Variants in PACSIN1 observed in about 807,000 individuals in gnomAD.
PACSIN1 encodes protein kinase C and casein kinase substrate in neurons 1.
In PACSIN1, 15 loss-of-function variants were observed where a neutral mutation model predicts 59.5. The observed-to-expected ratio is 0.25, with a 90% CI of 0.17 to 0.39. PACSIN1 has a LOEUF of 0.39. Ranked by LOEUF, PACSIN1 falls within the 10% of genes least tolerant of loss-of-function variation. The probability of loss-of-function intolerance (pLI) is 1.00; values close to 1 mark genes in which losing one functional copy is unlikely to be tolerated. For missense variants in PACSIN1, 420 were observed against 580.2 expected (o/e 0.72, Z 2.84); for synonymous variants, 210 against 220.6 (o/e 0.95, Z 0.42).
At chr6:34,486,709 C>T (rs1436660012) in intron 1 of PACSIN1, among the ~76,000 whole-genome samples, 6 of 152,166 alleles carry the variant, frequency 3.9e-5, no homozygotes, top group Non-Finnish European at 8.8e-5. Flanking sequence ...CCGGGGCCCT[C>T]CTCCGTGGGC....
intron 4 of PACSIN1, 30 bp downstream of exon 4, chr6:34,528,907 T>TGGGGTGGGGGCCGGGGGGGGGGG: frequency 4.0e-6 from 1 of 250,436 alleles, no homozygotes; most frequent in Non-Finnish European, 7.9e-6. Context: ...ACGGGCGGGG[T>TGGGGTGGGGGCCGGGGGGGGGGG]GGGGTGGGCC....
chr6:34,526,766 A>G (rs1013255134), intron 2 of PACSIN1, among the ~76,000 whole-genome samples: 13 of 152,178 alleles, frequency 8.5e-5, no homozygotes, highest in African/African-American at 3.1e-4. Flanking sequence ...CCAGAGCCCC[A>G]CGGGGCCGCA....
intron 1 of PACSIN1, among the ~76,000 whole-genome samples, chr6:34,469,015 A>G (rs1010491316): frequency 2.0e-5 from 3 of 152,184 alleles, no homozygotes; most frequent in African/African-American, 7.2e-5. Flanking sequence ...GTATCCCCAC[A>G]GCAAGAATGA....
chr6:34,529,546 G>A lies in PACSIN1; in HGVS notation c.606G>A (p.Val202=), dbSNP rs368942363. 49 of 1,614,054 alleles carry A rather than the reference G, an allele frequency of 3.0e-5. No individual in the cohort carries two copies. The East Asian group carries it at 3.3e-4, about 11-fold the overall frequency. Residue 202 remains valine, a synonymous_variant, in exon 5 of 10, where the codon GTG becomes GTA. Transcript: ENST00000244458. This position sits in a 1 kb window ranked among gnomAD's most constrained non-coding sequence, Gnocchi z 6.3. Reference sequence around the variant, plus strand: ...AAGTGGACAAGTGCAAGCAGGATGTGCAGAAGGTGCTGGCGGGCAGGGATG... The same window carrying A: ...AAGTGGACAAGTGCAAGCAGGATGTACAGAAGGTGCTGGCGGGCAGGGATG... The part of the protein sequence containing the change: ...QDKVDKCKQD[V]QKTQEKYEKV...
intron 1 of PACSIN1, among the ~76,000 whole-genome samples, chr6:34,473,343 A>G (rs1170771182): frequency 6.6e-6 from 1 of 152,050 alleles, no homozygotes; most frequent in Non-Finnish European, 1.5e-5. Context: ...ACGAGAGAGG[A>G]CATGGGTCGT....
At chr6:34,507,305 T>C (rs554205141) in intron 1 of PACSIN1, among the ~76,000 whole-genome samples, 3 of 152,224 alleles carry the variant, frequency 2.0e-5, no homozygotes, top group South Asian at 2.1e-4. Flanking sequence ...TGTCACTGTT[T>C]GGTCTTGAGA....
At chr6:34,486,250 G>A (rs1238929720) in intron 1 of PACSIN1, among the ~76,000 whole-genome samples, 1 of 152,056 alleles carries the variant, frequency 6.6e-6, no homozygotes, top group Non-Finnish European at 1.5e-5. Flanking sequence ...GTGTCTCTAG[G>A]TGCCTCCCTT....
chr6:34,493,443 G>A (rs1766905798), intron 1 of PACSIN1, among the ~76,000 whole-genome samples: 2 of 152,196 alleles, frequency 1.3e-5, no homozygotes, highest in African/African-American at 4.8e-5. Context: ...TGGAAGTGCT[G>A]GTCTAAGGGA....
Position 34,516,461 on chromosome 6 carries a change from C to T in PACSIN1, c.-63-9782C>T, listed in dbSNP as rs1767294287. 6.6e-6 allele frequency among the ~76,000 whole-genome samples: 1 copy of T among 152,216 alleles called. No homozygotes were observed. The highest frequency in any genetic ancestry group is 2.1e-4 in the South Asian group (1 of 4,838). On this transcript the variant is annotated intron_variant, in intron 1 of 9. Transcript: ENST00000244458. This position sits in a 1 kb window ranked among gnomAD's most constrained non-coding sequence, Gnocchi z 5.4. ...CCTGCCCCTGCTCCTCCGAACCCCG[C>T]ACTCTCCTCCTTCCTGACCAGGGTG...
chr6:34,527,516 G>T (rs1561970686), intron 3 of PACSIN1, 28 bp downstream of exon 3: 3 of 1,554,712 alleles, frequency 1.9e-6, no homozygotes, highest in Admixed American at 3.8e-5. Context: ...CATCGTGCGC[G>T]CCCCCAGGCC....
intron 1 of PACSIN1, among the ~76,000 whole-genome samples, chr6:34,493,367 C>T (rs1033762419): frequency 1.4e-4 from 21 of 152,196 alleles, no homozygotes; most frequent in African/African-American, 5.1e-4. Context: ...ATGGTTGCTG[C>T]AAGCATTCAT....
chr6:34,525,135 T>G lies in PACSIN1; in HGVS notation c.-63-1108T>G, dbSNP rs2127272154. ...AAATTCAGACTCATTTCTTTGTCCC[T>G]TGATGAAATCCAGCCGTCCTCCCTC... On this transcript the variant is annotated intron_variant, in intron 1 of 9. Transcript: ENST00000244458. This position sits in a 1 kb window ranked among gnomAD's most constrained non-coding sequence, Gnocchi z 4.9. Among the ~76,000 whole-genome samples the G allele has an allele frequency of 6.6e-6, 1 of 152,378 alleles. No homozygotes were observed. The highest frequency in any genetic ancestry group is 2.1e-4 in the South Asian group (1 of 4,826).
chr6:34,488,395 T>C lies in PACSIN1; in HGVS notation c.-64+22125T>C, dbSNP rs1217915303. On this transcript the variant is annotated intron_variant, in intron 1 of 9. Transcript: ENST00000244458. This position sits in a 1 kb window ranked among gnomAD's most constrained non-coding sequence, Gnocchi z 4.7. ...CTGCCAGGATGGTGACTCTGTGTTGTTGTTTTTTCCCTGCTGGTTTCTTGC... is the reference window on the plus strand; with the variant it reads ...CTGCCAGGATGGTGACTCTGTGTTGCTGTTTTTTCCCTGCTGGTTTCTTGC... Among the ~76,000 whole-genome samples, 1 of 152,174 alleles carries C rather than the reference T, an allele frequency of 6.6e-6. No homozygotes were observed. The highest frequency in any genetic ancestry group is 1.5e-5 in the Non-Finnish European group (1 of 68,016).
At chr6:34,495,282 G>A (rs1766931629) in intron 1 of PACSIN1, among the ~76,000 whole-genome samples, 2 of 152,140 alleles carry the variant, frequency 1.3e-5, no homozygotes, top group Admixed American at 1.3e-4. Context: ...GTGAGGGAAA[G>A]AACAAGAAAT....
At position 34,489,073 on chromosome 6, in the gene PACSIN1, T is replaced by TG. The variant is rs537673731; in HGVS notation, c.-64+22809dup. ...GCATGCCCCTGTAGTTCCAGCTACT[T>TG]GGGGGGCTGAGGCAGGAGGATCGCT... On this transcript the variant is annotated intron_variant, in intron 1 of 9. Coordinates refer to ENST00000244458, the MANE Select transcript of PACSIN1 (RefSeq NM_020804.5). Among the ~76,000 whole-genome samples the TG allele has an allele frequency of 8.1e-3, 1,228 of 151,128 alleles. 22 individuals carry two copies. Among genetic ancestry groups the TG allele is most frequent in the African/African-American group, 0.027 (1,117 of 41,060 alleles).
rs1767564561 is a variant in PACSIN1 at position 34,530,159 on chromosome 6, G to A, written c.789-84G>A. The A allele has an allele frequency of 6.7e-7, 1 of 1,498,712 alleles. No individual in the cohort carries two copies. Among genetic ancestry groups the A allele is most frequent in the Non-Finnish European group, 9.0e-7 (1 of 1,116,682 alleles). 92.8% of individuals were successfully genotyped at this position (1,498,712 alleles called of 1,614,324 possible). On this transcript the variant is annotated intron_variant, in intron 6 of 9. Transcript: ENST00000244458. This position sits in a 1 kb window ranked among gnomAD's most constrained non-coding sequence, Gnocchi z 4.4. Reference sequence around the variant, plus strand: ...AGCATGCCCAGCACCCTGCTTCCCTGAGTGGACTCTGGCCTCTCACCAAGG... The same window carrying A: ...AGCATGCCCAGCACCCTGCTTCCCTAAGTGGACTCTGGCCTCTCACCAAGG...
At chr6:34,474,790 G>GAAAAA (rs60232588) in intron 1 of PACSIN1, among the ~76,000 whole-genome samples, 10 of 78,326 alleles carry the variant, frequency 1.3e-4, no homozygotes, top group African/African-American at 2.3e-4. Flanking sequence ...CTCTGTCTCA[G>GAAAAA]AAAAAAAAAA....
rs752962195 is a variant in PACSIN1 at position 34,529,373 on chromosome 6, C to T, written c.457-24C>T. ...CTGCTGGTCACAAATGAAAACCCTA[C>T]TCCCTATTCCCCCCTCCCCACAGCT... On this transcript the variant is annotated intron_variant, in intron 4 of 9. Coordinates refer to ENST00000244458, the MANE Select transcript of PACSIN1 (RefSeq NM_020804.5). This position sits in a 1 kb window ranked among gnomAD's most constrained non-coding sequence, Gnocchi z 6.3. The T allele has an allele frequency of 3.7e-6, 6 of 1,613,586 alleles. No individual in the cohort carries two copies. The highest frequency in any genetic ancestry group is 5.1e-6 in the Non-Finnish European group (6 of 1,179,654).
At chr6:34,496,415 T>C (rs1426233669) in intron 1 of PACSIN1, among the ~76,000 whole-genome samples, 1 of 152,132 alleles carries the variant, frequency 6.6e-6, no homozygotes, top group African/African-American at 2.4e-5. Context: ...TCTTCTGGGG[T>C]GATCTCTGCC....
Sources: gnomAD v4.1 joint callset for allele counts (sites outside exome capture counted in the v4.1 genomes callset) on GRCh38, gnomAD v4.1.1 for gene constraint, Gnocchi (gnomAD v3.1) non-coding constraint, MANE v1.5 for transcripts, NCBI Gene and HGNC (gene_info 2026-07-23, HGNC 2026-07-21) for gene names.